STK31: variants seen among roughly 807,000 people sequenced by gnomAD.
The protein encoded by STK31 is serine/threonine kinase 31.
STK31 carries 89 observed loss-of-function variants against 129.7 expected under a neutral mutation model. The ratio of observed to expected loss-of-function variants is 0.69; its 90% CI spans 0.58 to 0.82. STK31 has a LOEUF of 0.82. Ranked by LOEUF, STK31 falls within the 40% of genes least tolerant of loss-of-function variation. The pLI is 0.00. For missense variants in STK31, 1,187 were observed against 1,176.4 expected (o/e 1.01, Z -0.13); for synonymous variants, 448 against 395.3 (o/e 1.13, Z -1.58).
At chr7:23,787,848 C>T (rs1791388968) in intron 20 of STK31, 132 bp from the exon 21 acceptor site, 2 of 792,918 alleles carry the variant, frequency 2.5e-6, no homozygotes, top group Admixed American at 3.3e-5. Context: ...TTTCTCTATG[C>T]TGTATTCTTA....
chr7:23,823,258 G>C (rs1793901270), intron 23 of STK31, among the ~76,000 whole-genome samples: 1 of 152,160 alleles, frequency 6.6e-6, no homozygotes, highest in African/African-American at 2.4e-5. Flanking sequence ...TCCAGCACCT[G>C]TTGTTTCCTG....
intron 1 of STK31, 123 bp from the exon 2 acceptor site, chr7:23,711,974 TAG>T: frequency 1.3e-6 from 1 of 765,286 alleles, no homozygotes; most frequent in East Asian, 2.8e-5. Flanking sequence ...ATTTTTAATA[TAG>T]AGTTTGAATT....
chr7:23,806,901 GAAAAAA>G (rs34751124), intron 22 of STK31, among the ~76,000 whole-genome samples: 6 of 75,972 alleles, frequency 7.9e-5, no homozygotes, highest in Non-Finnish European at 1.5e-4. Context: ...CTCCGTCTCA[GAAAAAA>G]AAAAAAAAAA....
In STK31 at chr7:23,720,103, A is replaced by T. The variant is rs1786601725; in HGVS notation, c.249+2524A>T. ...TCACTGATAAGCTACAATAAAGCTC[A>T]AATGATGGATGGTTTACGTGTGTGA... On this transcript the variant is annotated intron_variant, in intron 4 of 23. Coordinates refer to ENST00000355870, the MANE Select transcript of STK31 (RefSeq NM_031414.5). Among the ~76,000 whole-genome samples, 3 of 152,206 alleles carry T rather than the reference A, an allele frequency of 2.0e-5. No homozygotes were observed. The South Asian group carries it at 6.2e-4, about 31-fold the overall frequency.
At chr7:23,721,482 G>C (rs1416898873) in intron 4 of STK31, 3 of 1,059,604 alleles carry the variant, frequency 2.8e-6, no homozygotes, top group Non-Finnish European at 4.4e-6. Flanking sequence ...CTGTCCAGAG[G>C]CTGAGGAATA....
chr7:23,734,866 G>A (rs1323551461), intron 6 of STK31, among the ~76,000 whole-genome samples: 1 of 152,152 alleles, frequency 6.6e-6, no homozygotes, highest in Admixed American at 6.5e-5. Context: ...TGGGGAGGCT[G>A]AGGCAGGAGA....
At chr7:23,750,078 C>CCTCCA (rs1230124956) in intron 8 of STK31, among the ~76,000 whole-genome samples, 1 of 130,750 alleles carries the variant, frequency 7.6e-6, no homozygotes, top group African/African-American at 2.8e-5. Context: ...CCCCCCCCGC[C>CCTCCA]ACTGCTGGAA....
At chr7:23,759,568 A>C (rs1051812268) in intron 10 of STK31, among the ~76,000 whole-genome samples, 2 of 152,172 alleles carry the variant, frequency 1.3e-5, no homozygotes, top group East Asian at 1.9e-4. Context: ...AATTTCCTTC[A>C]TTTATTGCCT....
chr7:23,735,737 C>G lies in STK31; in HGVS notation c.683C>G (p.Pro228Arg). ...ATCTGTGAGGAAAAAAAATTGGATC[C>G]TGGTCAACTTGTTCTCAGGAACCTC... ...TDICEEKKLDPGQLVLRNLKS... is the reference protein window; with the variant it reads ...TDICEEKKLDRGQLVLRNLKS... Residue 228 changes from proline (P) to arginine (R), a missense_variant, in exon 7 of 24, where the codon CCT (proline) becomes CGT (arginine). Transcript: ENST00000355870. 3 of 1,614,060 alleles carry G rather than the reference C, an allele frequency of 1.9e-6. No homozygotes were observed. The highest frequency in any genetic ancestry group is 2.2e-5 in the South Asian group (2 of 91,082).
At chr7:23,725,766 T>A (rs926020785) in intron 4 of STK31, 2 of 152,206 alleles carry the variant, frequency 1.3e-5, no homozygotes, top group Non-Finnish European at 2.9e-5. Context: ...GTTTATGTTT[T>A]AAAAAAATTA....
chr7:23,824,452 T>C (rs1329897762), intron 23 of STK31, among the ~76,000 whole-genome samples: 2 of 152,218 alleles, frequency 1.3e-5, no homozygotes, highest in Admixed American at 1.3e-4. Context: ...TGATTTTGTA[T>C]CCTGAGACTT....
intron 15 of STK31, among the ~76,000 whole-genome samples, chr7:23,775,457 A>G (rs1361976539): frequency 5.9e-5 from 9 of 152,268 alleles, no homozygotes; most frequent in Middle Eastern, 3.4e-3. Context: ...CTTCCTATCC[A>G]TGAGCATGAA....
At chr7:23,718,442 C>T (rs963755651) in intron 4 of STK31, among the ~76,000 whole-genome samples, 1 of 152,076 alleles carries the variant, frequency 6.6e-6, no homozygotes, top group Non-Finnish European at 1.5e-5. Flanking sequence ...AACCACCATC[C>T]AGATCAACAT....
At chr7:23,761,086 GA>G (rs928127317) in intron 10 of STK31, among the ~76,000 whole-genome samples, 94 of 152,100 alleles carry the variant, frequency 6.2e-4, no homozygotes, top group African/African-American at 2.1e-3. Context: ...TTTCATGTAA[GA>G]TGAAAAGATG....
chr7:23,797,077 T>C (rs1404410119), intron 22 of STK31, among the ~76,000 whole-genome samples: 3 of 152,100 alleles, frequency 2.0e-5, no homozygotes, highest in African/African-American at 7.2e-5. Context: ...TCCTAAATAT[T>C]ATATGCACCC....
chr7:23,796,411 C>T (rs1183362512), intron 22 of STK31, among the ~76,000 whole-genome samples: 1 of 151,688 alleles, frequency 6.6e-6, no homozygotes, highest in Non-Finnish European at 1.5e-5. Context: ...GTGGTAATAG[C>T]AGTTTTTATT....
At chr7:23,721,297 T>G (rs749320357) in intron 4 of STK31, 24 of 618,598 alleles carry the variant, frequency 3.9e-5, no homozygotes, top group Non-Finnish European at 6.4e-5. Flanking sequence ...TTCTTTCTCC[T>G]TGATCTAAAC....
intron 22 of STK31, among the ~76,000 whole-genome samples, chr7:23,799,701 A>G (rs1315382644): frequency 1.3e-5 from 2 of 152,216 alleles, no homozygotes; most frequent in Non-Finnish European, 2.9e-5. Context: ...TGACTAAAAC[A>G]CCAAAAGCAC....
intron 6 of STK31, 46 bp from the exon 7 acceptor site, chr7:23,735,492 A>C: frequency 3.1e-5 from 46 of 1,472,648 alleles, no homozygotes; most frequent in Non-Finnish European, 3.8e-5. Flanking sequence ...AAATAAGGGA[A>C]GAGAAACATG....
Sources: allele counts gnomAD v4.1 joint callset (sites outside exome capture counted in the v4.1 genomes callset), GRCh38; gene constraint gnomAD v4.1.1; transcripts MANE v1.5; gene names NCBI Gene and HGNC (gene_info 2026-07-23, HGNC 2026-07-21).